Variants in VGLL4 observed in about 807,000 individuals in gnomAD.
VGLL4 encodes vestigial like family member 4, also known as transcription cofactor vestigial-like protein 4.
VGLL4 carries 7 observed loss-of-function variants against 21.0 expected under a neutral mutation model. That is an observed-to-expected ratio of 0.33 (90% CI 0.19 to 0.63). VGLL4 has a LOEUF of 0.63. Among genes scored for constraint, VGLL4 ranks in the 20% least tolerant of loss-of-function variants. The probability of loss-of-function intolerance (pLI) is 0.78; values close to 1 mark genes in which losing one functional copy is unlikely to be tolerated. For synonymous variants in VGLL4, 222 were observed against 173.2 expected, an observed-to-expected ratio of 1.28 and a Z score of -2.21; for missense variants, 394 against 425.7, an observed-to-expected ratio of 0.93 and a Z score of 0.66.
chr3:11,663,030 G>T (rs1007423646), intron 2 of VGLL4, among the ~76,000 whole-genome samples: 2 of 152,214 alleles, frequency 1.3e-5, no homozygotes, highest in Non-Finnish European at 2.9e-5. Flanking sequence ...TAGTTAGGAG[G>T]TTTCTGAGAG....
chr3:11,681,913 G>A (rs1339159369), intron 2 of VGLL4, among the ~76,000 whole-genome samples: 1 of 152,152 alleles, frequency 6.6e-6, no homozygotes, highest in Non-Finnish European at 1.5e-5. Flanking sequence ...ACAAAGGCCG[G>A]GTGTGGCCAC....
rs1277091227 is a variant in VGLL4, at chr3:11,573,259, GAA to G, written c.273-8242_273-8241del. On this transcript the variant is annotated intron_variant, in intron 2 of 4. Coordinates refer to ENST00000430365, the MANE Select transcript of VGLL4 (RefSeq NM_001128219.3). ...GAAAAGAAATAGAGAAAGAAAGAAA[GAA>G]AGAAAGAAAGAAAGAAAGAAAGAAA... Among the ~76,000 whole-genome samples, 65 of 10,758 alleles carry G rather than the reference GAA, an allele frequency of 6.0e-3. 2 individuals carry two copies. Among genetic ancestry groups the G allele is most frequent in the African/African-American group, 8.3e-3 (8 of 960 alleles). 7.1% of individuals were successfully genotyped at this position (10,758 alleles called of 152,430 possible). A position where few individuals can be genotyped will look rare whatever the true frequency, so the allele number is the denominator to read the frequency against.
chr3:11,678,096 C>T (rs746322399), intron 2 of VGLL4, among the ~76,000 whole-genome samples: 5 of 151,988 alleles, frequency 3.3e-5, no homozygotes, highest in Non-Finnish European at 7.4e-5. Flanking sequence ...CTCTGTCGCC[C>T]AGGCTAGAGT....
chr3:11,625,905 G>A (rs1408296040), intron 1 of VGLL4, among the ~76,000 whole-genome samples: 5 of 152,164 alleles, frequency 3.3e-5, no homozygotes, highest in African/African-American at 1.2e-4. Flanking sequence ...ACGGGGGAAT[G>A]GAGAGTGAAA....
rs61052269 is a variant in VGLL4 at position 11,666,248 on chromosome 3, CA to C, written c.64+36722del. Among the ~76,000 whole-genome samples, 299 of 91,526 alleles carry C rather than the reference CA, an allele frequency of 3.3e-3. 2 individuals carry two copies. The highest frequency in any genetic ancestry group is 5.6e-3 in the African/African-American group (154 of 27,298). The allele number at this position is 91,526 out of a possible 152,430, so 60.0% of individuals were successfully genotyped here. A position where few individuals can be genotyped will look rare whatever the true frequency, so the allele number is the denominator to read the frequency against. ...CCTGGGTGAGAGCGAGACTGCGCCT[CA>C]AAAAAAAAAAAAAAAAGAAAGTTCA... is the stretch of plus-strand genomic sequence containing the variant. On this transcript the variant is annotated intron_variant, in intron 2 of 5. Transcript: ENST00000273038.
Position 11,568,604 on chromosome 3 carries a change from C to T in VGLL4, c.273-3585G>A. 1.3e-6 allele frequency: 2 copies of T among 1,567,524 alleles called. No homozygotes were observed. The highest frequency in any genetic ancestry group is 1.7e-6 in the Non-Finnish European group (2 of 1,154,518). On this transcript the variant is annotated intron_variant, in intron 2 of 4. Transcript: ENST00000430365. The surrounding 1 kb of genome is among the most constrained non-coding windows in gnomAD (Gnocchi z 5.9). ...TTTTAGTAAAATTATACATTACTCA[C>T]ATTTCCAGCTCATTTTCCTGGTTCC...
intron 3 of VGLL4, among the ~76,000 whole-genome samples, chr3:11,559,692 A>G (rs1051812351): frequency 1.3e-5 from 2 of 152,228 alleles, no homozygotes; most frequent in Non-Finnish European, 2.9e-5. Flanking sequence ...GTGAGGGTAC[A>G]AAGGACAAAA....
At position 11,626,457 on chromosome 3, in the gene VGLL4, T is replaced by C. The variant is rs1160380227; in HGVS notation, c.82+16980A>G. The stretch of plus-strand genomic sequence containing the variant: ...AAGCCCTGGATGGGCAGGAACTAAG[T>C]TGTTTTGGTTTTTTCTCATGACACA... On this transcript the variant is annotated intron_variant, in intron 1 of 4. Transcript: ENST00000430365. 4 of 454,020 alleles carry C rather than the reference T, an allele frequency of 8.8e-6. No homozygotes were observed. The Admixed American group carries it at 9.6e-5, about 11-fold the overall frequency. The allele number at this position is 454,020 out of a possible 1,614,324, so 28.1% of individuals were successfully genotyped here.
At chr3:11,593,009 T>C (rs1399153748) in intron 2 of VGLL4, among the ~76,000 whole-genome samples, 1 of 152,194 alleles carries the variant, frequency 6.6e-6, no homozygotes, top group Non-Finnish European at 1.5e-5. Context: ...CTAAAGCTTG[T>C]GTAGACATGA....
At chr3:11,694,646 G>C (rs1164962568) in intron 2 of VGLL4, among the ~76,000 whole-genome samples, 1 of 151,832 alleles carries the variant, frequency 6.6e-6, no homozygotes, top group East Asian at 1.9e-4. Context: ...AAAGGACAGA[G>C]ACAAACCCAA....
chr3:11,685,197 GTTGT>G (rs2076429250), intron 2 of VGLL4, among the ~76,000 whole-genome samples: 1 of 112,466 alleles, frequency 8.9e-6, no homozygotes, highest in Non-Finnish European at 1.7e-5. Context: ...ATTCCATGGT[GTTGT>G]TTTTTTTTTT....
intron 2 of VGLL4, among the ~76,000 whole-genome samples, chr3:11,573,220 A>C (rs539081704): frequency 7.0e-6 from 1 of 143,844 alleles, no homozygotes; most frequent in East Asian, 2.0e-4. Flanking sequence ...GAGAGAGAGA[A>C]AGACAGACAG....
exon 1 of VGLL4, chr3:11,720,530 TCACACTCG>T (rs893376398): frequency 1.3e-5 from 2 of 152,048 alleles, no homozygotes; most frequent in African/African-American, 4.8e-5. Flanking sequence ...GCGCTGCACT[TCACACTCG>T]CACACGCGCA....
intron 2 of VGLL4, among the ~76,000 whole-genome samples, chr3:11,672,571 T>G (rs758169574): frequency 6.6e-6 from 1 of 152,196 alleles, no homozygotes; most frequent in African/African-American, 2.4e-5. Flanking sequence ...TTCTGCAAGG[T>G]AATGACATAC....
At chr3:11,647,225 A>G (rs1448782725), upstream of VGLL4, among the ~76,000 whole-genome samples, 1 of 152,014 alleles carries the variant, frequency 6.6e-6, no homozygotes, top group Non-Finnish European at 1.5e-5. Flanking sequence ...CTTAGTTTCA[A>G]GCACACTGGA....
At chr3:11,708,373 G>C (rs1007036680) in intron 1 of VGLL4, among the ~76,000 whole-genome samples, 2 of 152,332 alleles carry the variant, frequency 1.3e-5, no homozygotes, top group Middle Eastern at 3.4e-3. Flanking sequence ...ATTAGACCCA[G>C]AAAGAGCAGG....
chr3:11,579,705 C>A (rs372749286), intron 2 of VGLL4, among the ~76,000 whole-genome samples: 11 of 152,104 alleles, frequency 7.2e-5, no homozygotes, highest in African/African-American at 1.4e-4. Context: ...ACCCTCCCCC[C>A]CAAGTTTCAT....
chr3:11,643,730 T>A lies in VGLL4; in HGVS notation c.-212A>T. On this transcript the variant is annotated 5_prime_UTR_variant, in exon 1 of 5. Transcript: ENST00000430365. ...CACACGAAACCCTTCAAGGGCTTAC[T>A]GGTAGACGGTGTATGTACTGTATCC... is the stretch of plus-strand genomic sequence containing the variant. 7.2e-7 allele frequency: 1 copy of A among 1,394,522 alleles called. No individual in the cohort carries two copies. Among genetic ancestry groups the A allele is most frequent in the Non-Finnish European group, 9.3e-7 (1 of 1,077,194 alleles). The allele number at this position is 1,394,522 out of a possible 1,614,324, so 86.4% of individuals were successfully genotyped here.
At position 11,679,927 on chromosome 3, in the gene VGLL4, C is replaced by G. The variant is rs549016331; in HGVS notation, c.64+23044G>C. Among the ~76,000 whole-genome samples the G allele has an allele frequency of 2.6e-5, 4 of 152,286 alleles. No individual in the cohort carries two copies. In the South Asian group the frequency reaches 8.3e-4, roughly 32 times the overall value. On this transcript the variant is annotated intron_variant, in intron 2 of 5. Transcript: ENST00000273038. ...AGTGTTTGCAGAGTCGTAGGACACA[C>G]GACTGTCCTTGGCCCTCCCATTCAC...
Sources: allele counts gnomAD v4.1 joint callset (sites outside exome capture counted in the v4.1 genomes callset), GRCh38; gene constraint gnomAD v4.1.1; non-coding constraint Gnocchi (gnomAD v3.1); transcripts MANE v1.5; gene names NCBI Gene and HGNC (gene_info 2026-07-23, HGNC 2026-07-21).